LMX1A: variants seen among roughly 807,000 people sequenced by gnomAD.
LMX1A encodes LIM homeobox transcription factor 1 alpha, also known as LIM homeobox transcription factor 1-alpha.
A neutral mutation model predicts 49.1 loss-of-function variants in LMX1A; 15 were observed. The ratio of observed to expected loss-of-function variants is 0.31; its 90% CI spans 0.20 to 0.47. The LOEUF (loss-of-function observed/expected upper bound fraction) is 0.47, where lower values mean the gene tolerates loss of function less well. Among genes scored for constraint, LMX1A ranks in the 20% least tolerant of loss-of-function variants. The pLI, the probability that LMX1A is intolerant of heterozygous loss-of-function variation, is 1.00. For missense variants in LMX1A, 372 were observed against 475.8 expected (o/e 0.78, Z 2.03); for synonymous variants, 167 against 185.7 (o/e 0.90, Z 0.82).
intron 4 of LMX1A, among the ~76,000 whole-genome samples, chr1:165,239,109 T>C (rs1167801408): frequency 6.6e-6 from 1 of 152,250 alleles, no homozygotes; most frequent in Non-Finnish European, 1.5e-5. Context: ...TGGCCAATTT[T>C]ATTTTTTACA....
intron 3 of LMX1A, among the ~76,000 whole-genome samples, chr1:165,260,530 CT>C (rs1187976530): frequency 1.3e-5 from 2 of 152,114 alleles, no homozygotes; most frequent in African/African-American, 2.4e-5. Context: ...CAAAAAGAAA[CT>C]TTTTTTAAAG....
chr1:165,352,409 C>T (rs1656455424), intron 3 of LMX1A, among the ~76,000 whole-genome samples: 2 of 152,170 alleles, frequency 1.3e-5, no homozygotes, highest in Non-Finnish European at 2.9e-5. Context: ...TCAGTTCAGG[C>T]CCCAACTACT....
At chr1:165,266,247 C>A (rs761800557) in intron 3 of LMX1A, among the ~76,000 whole-genome samples, 2 of 152,214 alleles carry the variant, frequency 1.3e-5, no homozygotes, top group East Asian at 3.8e-4. Flanking sequence ...CCCTGGATAA[C>A]TGACGTTAGA....
At chr1:165,300,789 A>C (rs1314084726) in intron 3 of LMX1A, among the ~76,000 whole-genome samples, 1 of 152,232 alleles carries the variant, frequency 6.6e-6, no homozygotes, top group East Asian at 1.9e-4. Flanking sequence ...ATAATATTGT[A>C]GAAATGCCGA....
intron 3 of LMX1A, among the ~76,000 whole-genome samples, chr1:165,337,907 T>TGTGTG (rs1553213782): frequency 1.3e-5 from 2 of 151,512 alleles, no homozygotes; most frequent in African/African-American, 4.9e-5. Context: ...TGTGTGTGTG[T>TGTGTG]TACTACCCCA....
chr1:165,318,852 C>G (rs1393443985), intron 3 of LMX1A, among the ~76,000 whole-genome samples: 1 of 152,102 alleles, frequency 6.6e-6, no homozygotes, highest in African/African-American at 2.4e-5. Context: ...CATCGATGAG[C>G]CACCATACCA....
At chr1:165,266,881 G>A (rs892128672) in intron 3 of LMX1A, among the ~76,000 whole-genome samples, 4 of 152,072 alleles carry the variant, frequency 2.6e-5, no homozygotes, top group Admixed American at 6.5e-5. Context: ...GATTACAGGC[G>A]TGAGCCACTG....
chr1:165,336,069 T>TATAAC (rs1467590253), intron 3 of LMX1A, among the ~76,000 whole-genome samples: 2 of 152,202 alleles, frequency 1.3e-5, no homozygotes. Flanking sequence ...CTAAATGCTT[T>TATAAC]ATAACATACA....
intron 3 of LMX1A, among the ~76,000 whole-genome samples, chr1:165,271,095 C>G (rs1291338016): frequency 6.6e-6 from 1 of 152,180 alleles, no homozygotes; most frequent in African/African-American, 2.4e-5. Flanking sequence ...CTAGGCCAAC[C>G]CATCTCTTTC....
chr1:165,303,900 T>G (rs1654849857), intron 3 of LMX1A, among the ~76,000 whole-genome samples: 2 of 152,138 alleles, frequency 1.3e-5, no homozygotes, highest in Admixed American at 1.3e-4. Context: ...CACGCAGATA[T>G]TATATCTAGT....
intron 3 of LMX1A, among the ~76,000 whole-genome samples, chr1:165,310,247 T>C (rs2101733005): frequency 6.6e-6 from 1 of 152,334 alleles, no homozygotes; most frequent in East Asian, 1.9e-4. Flanking sequence ...TGATACTTCC[T>C]CTTTAACCCA....
chr1:165,239,208 T>C (rs777860273), intron 4 of LMX1A, among the ~76,000 whole-genome samples: 2 of 152,274 alleles, frequency 1.3e-5, no homozygotes, highest in Non-Finnish European at 1.5e-5. Flanking sequence ...TATTAACTTA[T>C]GGTTTTCATT....
chr1:165,257,463 A>T (rs1219481157), intron 3 of LMX1A, among the ~76,000 whole-genome samples: 1 of 152,012 alleles, frequency 6.6e-6, no homozygotes, highest in Non-Finnish European at 1.5e-5. Context: ...TGATCCCTTG[A>T]GGCTACTCAG....
chr1:165,321,943 T>C (rs980153199), intron 3 of LMX1A, among the ~76,000 whole-genome samples: 3 of 152,048 alleles, frequency 2.0e-5, no homozygotes, highest in African/African-American at 7.2e-5. Flanking sequence ...TATAAGAGTC[T>C]AATATCCGGA....
chr1:165,270,785 T>C (rs762191609), intron 3 of LMX1A, among the ~76,000 whole-genome samples: 2 of 152,148 alleles, frequency 1.3e-5, no homozygotes, highest in Non-Finnish European at 2.9e-5. Context: ...GAATATTCTG[T>C]TAGGACCAGC....
chr1:165,239,781 A>G (rs1190153881), intron 4 of LMX1A, among the ~76,000 whole-genome samples: 1 of 152,184 alleles, frequency 6.6e-6, no homozygotes, highest in African/African-American at 2.4e-5. Context: ...AAGAATAACA[A>G]CAATAAAAAT....
chr1:165,289,048 C>A (rs983060319), intron 3 of LMX1A, among the ~76,000 whole-genome samples: 4 of 152,154 alleles, frequency 2.6e-5, no homozygotes, highest in African/African-American at 9.7e-5. Context: ...GGGTGTCTTA[C>A]AAAACACCCA....
intron 3 of LMX1A, among the ~76,000 whole-genome samples, chr1:165,311,909 G>A (rs373559520): frequency 7.2e-5 from 11 of 152,272 alleles, no homozygotes; most frequent in South Asian, 2.1e-4. Flanking sequence ...GTCTTAACTC[G>A]CAGCTTTGCA....
chr1:165,325,461 ATGTGTG>A lies in LMX1A; in HGVS notation c.263+27609_263+27614del, dbSNP rs61491320. Among the ~76,000 whole-genome samples, 361 of 150,794 alleles carry A rather than the reference ATGTGTG, an allele frequency of 2.4e-3. 1 individual carries two copies. The highest frequency in any genetic ancestry group is 7.7e-3 in the African/African-American group (317 of 41,018). On this transcript the variant is annotated intron_variant, in intron 3 of 8. Transcript: ENST00000342310. ...TATGTATATGTATATGTATATACAT[ATGTGTG>A]TGTGTGTGTGTGTATACATTCTTTC...
Sources: allele counts gnomAD v4.1 joint callset (sites outside exome capture counted in the v4.1 genomes callset), GRCh38; gene constraint gnomAD v4.1.1; transcripts MANE v1.5; gene names NCBI Gene and HGNC (gene_info 2026-07-23, HGNC 2026-07-21).